KSR1: variants seen among roughly 807,000 people sequenced by gnomAD.
KSR1 encodes kinase suppressor of ras.
In KSR1, 35 loss-of-function variants were observed where a neutral mutation model predicts 92.9. The observed-to-expected ratio is 0.38, with a 90% CI of 0.29 to 0.50. KSR1 has a LOEUF of 0.50. Among genes scored for constraint, KSR1 ranks in the 20% least tolerant of loss-of-function variants. The probability of loss-of-function intolerance (pLI) is 0.94; values close to 1 mark genes in which losing one functional copy is unlikely to be tolerated. For missense variants in KSR1, 972 were observed against 1,158.5 expected (o/e 0.84, Z 2.34); for synonymous variants, 467 against 472.6 (o/e 0.99, Z 0.15).
At chr17:27,621,422 G>T in intron 20 of KSR1, 149 bp downstream of exon 20, 1 of 394,666 alleles carries the variant, frequency 2.5e-6, no homozygotes, top group Non-Finnish European at 4.5e-6. Flanking sequence ...AGCTGAAATG[G>T]CTTCCAGCAA....
At chr17:27,457,229 G>T (rs1021920664) in intron 1 of KSR1, among the ~76,000 whole-genome samples, 32 of 151,852 alleles carry the variant, frequency 2.1e-4, no homozygotes, top group Admixed American at 2.1e-3. Context: ...ACTTTTCCCC[G>T]TGTGACTGAG....
At chr17:27,557,412 C>T (rs1481877306) in intron 2 of KSR1, among the ~76,000 whole-genome samples, 2 of 152,192 alleles carry the variant, frequency 1.3e-5, no homozygotes, top group African/African-American at 2.4e-5. Flanking sequence ...AGACATAGCA[C>T]GCTCACTTGG....
chr17:27,564,472 G>C (rs1235619433), intron 2 of KSR1, among the ~76,000 whole-genome samples: 2 of 152,164 alleles, frequency 1.3e-5, no homozygotes, highest in Non-Finnish European at 2.9e-5. Context: ...ACCAGTTTAG[G>C]CAATACAAAT....
intron 1 of KSR1, among the ~76,000 whole-genome samples, chr17:27,528,446 G>A (rs1287791508): frequency 1.3e-5 from 2 of 151,984 alleles, no homozygotes; most frequent in Non-Finnish European, 2.9e-5. Flanking sequence ...ATTTGTTAAA[G>A]GTCACACCGC....
At chr17:27,502,391 C>T (rs2069223149) in intron 1 of KSR1, among the ~76,000 whole-genome samples, 1 of 152,216 alleles carries the variant, frequency 6.6e-6, no homozygotes, top group Admixed American at 6.5e-5. Flanking sequence ...GAAGTATCCC[C>T]TCCCTGATTC....
chr17:27,535,699 C>T (rs901206004), intron 1 of KSR1, among the ~76,000 whole-genome samples: 13 of 152,154 alleles, frequency 8.5e-5, no homozygotes, highest in African/African-American at 3.1e-4. Flanking sequence ...AAGATTGCAG[C>T]GAAGGAAGAT....
intron 2 of KSR1, among the ~76,000 whole-genome samples, chr17:27,555,409 G>GATTT (rs1367871150): frequency 2.0e-5 from 3 of 152,164 alleles, no homozygotes; most frequent in Non-Finnish European, 4.4e-5. Flanking sequence ...AATACTACAT[G>GATTT]ATTTATTTTG....
chr17:27,462,944 G>A lies in KSR1; in HGVS notation c.231+6070G>A, dbSNP rs529312019. ...CATCAGCACTATTAGTGGCTGCATT[G>A]TGTGGTCATACCACAAATTCATCTA... On this transcript the variant is annotated intron_variant, in intron 1 of 20. Coordinates refer to ENST00000644974, the MANE Select transcript of KSR1 (RefSeq NM_001394583.1). 5.3e-5 allele frequency among the ~76,000 whole-genome samples: 8 copies of A among 152,198 alleles called. No individual in the cohort carries two copies. In the South Asian group the frequency reaches 1.2e-3, roughly 24 times the overall value.
chr17:27,592,423 G>C lies in KSR1; in HGVS notation c.1192+1G>C. The C allele has an allele frequency of 6.2e-7, 1 of 1,613,876 alleles. No homozygotes were observed. The highest frequency in any genetic ancestry group is 8.5e-7 in the Non-Finnish European group (1 of 1,179,782). On this transcript the variant is annotated splice_donor_variant, in intron 8 of 20. Coordinates refer to ENST00000644974, the MANE Select transcript of KSR1 (RefSeq NM_001394583.1). LOFTEE classifies it high-confidence loss of function. ...GCCTGTAGAATATCCTTCCTGCCACGTGAGTTTTCTGCCTTCCTCTCCTCT... is the reference window on the plus strand; with the variant it reads ...GCCTGTAGAATATCCTTCCTGCCACCTGAGTTTTCTGCCTTCCTCTCCTCT...
At chr17:27,618,311 T>C (rs902976513) in intron 19 of KSR1, among the ~76,000 whole-genome samples, 8 of 152,190 alleles carry the variant, frequency 5.3e-5, no homozygotes, top group Non-Finnish European at 8.8e-5. Flanking sequence ...TCTATCTCAT[T>C]CCCTTTTTCC....
At chr17:27,604,023 C>A in intron 12 of KSR1, 135 bp downstream of exon 12, 1 of 882,934 alleles carries the variant, frequency 1.1e-6, no homozygotes, top group South Asian at 1.5e-5. Flanking sequence ...CTCATTCACC[C>A]TCTGGGCAAG....
At chr17:27,475,046 G>C (rs1246512795) in intron 1 of KSR1, among the ~76,000 whole-genome samples, 2 of 152,218 alleles carry the variant, frequency 1.3e-5, no homozygotes, top group Non-Finnish European at 2.9e-5. Flanking sequence ...GTTTGCAGAG[G>C]AGGTGATATT....
intron 2 of KSR1, among the ~76,000 whole-genome samples, chr17:27,575,914 A>T (rs943222283): frequency 3.3e-5 from 5 of 152,188 alleles, no homozygotes; most frequent in African/African-American, 7.2e-5. Flanking sequence ...GGGATCTCAC[A>T]AGGCTGAGGT....
chr17:27,530,622 T>C (rs774751343), intron 1 of KSR1, among the ~76,000 whole-genome samples: 1 of 152,206 alleles, frequency 6.6e-6, no homozygotes, highest in Non-Finnish European at 1.5e-5. Context: ...CCTTTTCCTC[T>C]TGTGACATTT....
chr17:27,506,071 C>G (rs1178061562), intron 1 of KSR1, among the ~76,000 whole-genome samples: 3 of 152,232 alleles, frequency 2.0e-5, no homozygotes, highest in Non-Finnish European at 2.9e-5. Context: ...TCAGGGCCCC[C>G]ACCTAACCAA....
At position 27,577,880 on chromosome 17, in the gene KSR1, G is replaced by C. The variant is rs904072923; in HGVS notation, c.520+241G>C. The stretch of plus-strand genomic sequence containing the variant: ...GTTTCAGCCATGGTTAGAAATCCCA[G>C]GCCTGTCTGCTGGGCTGGGCTGGCC... On this transcript the variant is annotated intron_variant, in intron 3 of 20. Coordinates refer to ENST00000644974, the MANE Select transcript of KSR1 (RefSeq NM_001394583.1). The surrounding 1 kb of genome is among the most constrained non-coding windows in gnomAD (Gnocchi z 4.5). 2 of 654,080 alleles carry C rather than the reference G, an allele frequency of 3.1e-6. No individual in the cohort carries two copies. Among genetic ancestry groups the C allele is most frequent in the Non-Finnish European group, 5.6e-6 (2 of 360,046 alleles). The allele number at this position is 654,080 out of a possible 1,614,324, so 40.5% of individuals were successfully genotyped here.
chr17:27,457,155 GC>G (rs1361195412), intron 1 of KSR1, among the ~76,000 whole-genome samples: 2 of 151,286 alleles, frequency 1.3e-5, no homozygotes, highest in Non-Finnish European at 3.0e-5. Context: ...CCCCTTCTCC[GC>G]CCCCACCCCA....
intron 1 of KSR1, among the ~76,000 whole-genome samples, chr17:27,485,131 C>T (rs1286972971): frequency 6.6e-6 from 1 of 152,204 alleles, no homozygotes; most frequent in Non-Finnish European, 1.5e-5. Flanking sequence ...AGAGAGTCCA[C>T]CAGCTCTCGG....
rs996594064 is a variant in KSR1 at position 27,626,283 on chromosome 17, A to G, written c.*2891A>G. The G allele has an allele frequency of 6.6e-6, 1 of 152,240 alleles. No individual in the cohort carries two copies. The highest frequency in any genetic ancestry group is 2.4e-5 in the African/African-American group (1 of 41,458). The allele number at this position is 152,240 out of a possible 1,614,324, so 9.4% of individuals were successfully genotyped here. Reference sequence around the variant, plus strand: ...AGTTTTTATATTTTCTATCAACTACATTTGTCTTCCAGACATGCTATTAAT... The same window carrying G: ...AGTTTTTATATTTTCTATCAACTACGTTTGTCTTCCAGACATGCTATTAAT... On this transcript the variant is annotated 3_prime_UTR_variant, in exon 21 of 21. Coordinates refer to ENST00000644974, the MANE Select transcript of KSR1 (RefSeq NM_001394583.1).
Sources: gnomAD v4.1 joint callset for allele counts (sites outside exome capture counted in the v4.1 genomes callset) on GRCh38, gnomAD v4.1.1 for gene constraint, Gnocchi (gnomAD v3.1) non-coding constraint, MANE v1.5 for transcripts, NCBI Gene and HGNC (gene_info 2026-07-23, HGNC 2026-07-21) for gene names.